PALS2: variants seen among roughly 807,000 people sequenced by gnomAD.
PALS2 encodes the protein protein associated with LIN7 2, MAGUK p55 family member, also known as protein PALS2.
Under a neutral mutation model 61.6 loss-of-function variants are expected in PALS2, and 27 were observed. The ratio of observed to expected loss-of-function variants is 0.44; its 90% CI spans 0.32 to 0.60. The LOEUF is 0.60. Ranked by LOEUF, PALS2 falls within the 20% of genes least tolerant of loss-of-function variation. The pLI is 0.05. For missense variants in PALS2, 554 were observed against 639.4 expected, an observed-to-expected ratio of 0.87 and a Z score of 1.44; for synonymous variants, 236 against 218.6, an observed-to-expected ratio of 1.08 and a Z score of -0.70.
At chr7:24,576,641 T>C (rs1782652495) in intron 1 of PALS2, among the ~76,000 whole-genome samples, 1 of 152,262 alleles carries the variant, frequency 6.6e-6, no homozygotes, top group African/African-American at 2.4e-5. Flanking sequence ...GATCCGACTT[T>C]ACTTGCATTA....
At chr7:24,613,186 T>C (rs912164315) in intron 1 of PALS2, among the ~76,000 whole-genome samples, 1 of 151,790 alleles carries the variant, frequency 6.6e-6, no homozygotes, top group Non-Finnish European at 1.5e-5. Flanking sequence ...ATCTCCATCT[T>C]AAAGGTTTGA....
At chr7:24,612,060 C>T (rs897510516) in intron 1 of PALS2, among the ~76,000 whole-genome samples, 1 of 151,896 alleles carries the variant, frequency 6.6e-6, no homozygotes, top group African/African-American at 2.4e-5. Flanking sequence ...TGTTTCTACT[C>T]CTACCACTTT....
chr7:24,687,534 A>G lies in PALS2; in HGVS notation c.1543A>G (p.Lys515Glu), dbSNP rs1302454290. 1 of 1,613,368 alleles carries G rather than the reference A, an allele frequency of 6.2e-7. No individual in the cohort carries two copies. Among genetic ancestry groups the G allele is most frequent in the Non-Finnish European group, 8.5e-7 (1 of 1,179,766 alleles). ...DLIIINDNLDKAFEKLQTAIE... is the reference protein window; with the variant it reads ...DLIIINDNLDEAFEKLQTAIE... ...GATCATCATAAATGATAATCTAGAC[A>G]AAGCCTTTGAAAAACTGCAAACTGC... The change falls in exon 12 of 12, where the codon AAA (lysine) becomes GAA (glutamate). Residue 515 changes from lysine (K) to glutamate (E), a missense_variant. Transcript: ENST00000222644. This position sits in a 1 kb window ranked among gnomAD's most constrained non-coding sequence, Gnocchi z 4.5.
intron 2 of PALS2, among the ~76,000 whole-genome samples, chr7:24,633,815 G>T (rs1187537173): frequency 1.3e-5 from 2 of 152,084 alleles, no homozygotes. Context: ...ATCCATAGTA[G>T]CTGTACCATT....
intron 3 of PALS2, among the ~76,000 whole-genome samples, chr7:24,647,132 T>TTTTAA (rs1295056576): frequency 6.6e-6 from 1 of 151,686 alleles, no homozygotes; most frequent in Non-Finnish European, 1.5e-5. Context: ...GTTGTTGTTG[T>TTTTAA]TTTAATTTAA....
intron 1 of PALS2, among the ~76,000 whole-genome samples, chr7:24,620,840 G>A (rs1784472705): frequency 6.6e-6 from 1 of 152,132 alleles, no homozygotes; most frequent in Non-Finnish European, 1.5e-5. Flanking sequence ...AAGGTAGAAA[G>A]TATATAGGAG....
chr7:24,649,353 A>C (rs1014010325), intron 3 of PALS2, among the ~76,000 whole-genome samples: 2 of 152,148 alleles, frequency 1.3e-5, no homozygotes, highest in African/African-American at 4.8e-5. Context: ...TGAACTTGCC[A>C]GTTTTTAAAA....
Position 24,692,431 on chromosome 7 carries a change from G to A in PALS2, c.*4817G>A, listed in dbSNP as rs905017589. 1.3e-5 allele frequency: 2 copies of A among 152,110 alleles called. No homozygotes were observed. Among genetic ancestry groups the A allele is most frequent in the Non-Finnish European group, 2.9e-5 (2 of 67,996 alleles). The allele number at this position is 152,110 out of a possible 1,614,324, so 9.4% of individuals were successfully genotyped here. ...CGCCTTAAATTCTGATTTGTAATTT[G>A]TAACTCTGATGTGGTAGCTGTGATA... On this transcript the variant is annotated 3_prime_UTR_variant, in exon 12 of 12. Coordinates refer to ENST00000222644, the MANE Select transcript of PALS2 (RefSeq NM_001303037.2).
intron 8 of PALS2, among the ~76,000 whole-genome samples, chr7:24,666,391 G>A (rs946268896): frequency 2.6e-5 from 4 of 152,064 alleles, no homozygotes; most frequent in African/African-American, 9.7e-5. Flanking sequence ...AGAGAATTTT[G>A]AAATAGTAAT....
Position 24,623,656 on chromosome 7 carries a change from ATC to A in PALS2, c.-2-7_-2-6del, listed in dbSNP as rs1562620582. 2 of 1,503,054 alleles carry A rather than the reference ATC, an allele frequency of 1.3e-6. No homozygotes were observed. Among genetic ancestry groups the A allele is most frequent in the South Asian group, 2.4e-5 (2 of 82,042 alleles). The allele number at this position is 1,503,054 out of a possible 1,614,324, so 93.1% of individuals were successfully genotyped here. ...GTTTGTTTGTTTTTATGTTGCTTTT[ATC>A]TCAGCAGCAATGCAGCAAGTCTTGG... On this transcript the variant is annotated splice_region_variant and splice_polypyrimidine_tract_variant and intron_variant, in intron 1 of 11. Transcript: ENST00000222644.
At chr7:24,588,612 C>A (rs1428136469) in intron 1 of PALS2, among the ~76,000 whole-genome samples, 3 of 152,052 alleles carry the variant, frequency 2.0e-5, no homozygotes, top group East Asian at 1.9e-4. Flanking sequence ...AACAACAAGA[C>A]CCTTAAGGGA....
rs187676863 is a variant in PALS2 at position 24,620,607 on chromosome 7, G to T, written c.-2-3059G>T. Among the ~76,000 whole-genome samples, 6 of 151,874 alleles carry T rather than the reference G, an allele frequency of 4.0e-5. No homozygotes were observed. In the East Asian group the frequency reaches 9.7e-4, roughly 25 times the overall value. On this transcript the variant is annotated intron_variant, in intron 1 of 11. Transcript: ENST00000222644. ...TTTGAAAAAAAAACAAGCACTTCAA[G>T]AATCAATACAGAAGGTACATTTTTT...
intron 3 of PALS2, among the ~76,000 whole-genome samples, chr7:24,643,074 A>T (rs1785647477): frequency 6.6e-6 from 1 of 152,178 alleles, no homozygotes; most frequent in East Asian, 1.9e-4. Flanking sequence ...TTGGTTGCAT[A>T]TGACAGTTGT....
intron 1 of PALS2, among the ~76,000 whole-genome samples, chr7:24,607,726 T>C (rs1783970311): frequency 6.6e-6 from 1 of 151,848 alleles, no homozygotes; most frequent in Admixed American, 6.6e-5. Context: ...GCCACACTAA[T>C]TACAACTGCA....
chr7:24,640,150 C>T (rs1010301713), intron 2 of PALS2, among the ~76,000 whole-genome samples: 8 of 151,850 alleles, frequency 5.3e-5, no homozygotes, highest in African/African-American at 1.9e-4. Context: ...ACTTCTTCCT[C>T]TATTTCAATT....
At chr7:24,672,397 T>C (rs1787344946) in intron 9 of PALS2, among the ~76,000 whole-genome samples, 1 of 151,620 alleles carries the variant, frequency 6.6e-6, no homozygotes, top group Non-Finnish European at 1.5e-5. Context: ...CTGGCTAATT[T>C]TTTTTGTATT....
Position 24,613,405 on chromosome 7 carries a change from CCT to C in PALS2, c.-2-10260_-2-10259del, listed in dbSNP as rs376261953. ...TAAAAGAGATTTAAAAATCTCTATACCTACAGTTATTTTCTCATCTCGTTTCT... is the reference window on the plus strand; with the variant it reads ...TAAAAGAGATTTAAAAATCTCTATACACAGTTATTTTCTCATCTCGTTTCT... On this transcript the variant is annotated intron_variant, in intron 1 of 11. Transcript: ENST00000222644. Among the ~76,000 whole-genome samples the C allele has an allele frequency of 3.3e-5, 5 of 151,714 alleles. No individual in the cohort carries two copies. The East Asian group carries it at 9.7e-4, about 29-fold the overall frequency.
chr7:24,582,663 T>C (rs1782889179), intron 1 of PALS2, among the ~76,000 whole-genome samples: 1 of 152,066 alleles, frequency 6.6e-6, no homozygotes, highest in Non-Finnish European at 1.5e-5. Context: ...TAAAATGTTA[T>C]ATGGAAAACC....
chr7:24,580,430 G>A (rs1782796617), intron 1 of PALS2, among the ~76,000 whole-genome samples: 1 of 152,124 alleles, frequency 6.6e-6, no homozygotes, highest in African/African-American at 2.4e-5. Flanking sequence ...AAGCTTTTGA[G>A]GTTGTATATA....
Sources: gnomAD v4.1 joint callset for allele counts (sites outside exome capture counted in the v4.1 genomes callset) on GRCh38, gnomAD v4.1.1 for gene constraint, Gnocchi (gnomAD v3.1) non-coding constraint, MANE v1.5 for transcripts, NCBI Gene and HGNC (gene_info 2026-07-23, HGNC 2026-07-21) for gene names.